The following MACF1 variants were observed in gnomAD, a reference collection of about 807,000 sequenced individuals.
MACF1 encodes the protein microtubule actin crosslinking factor 1, also known as microtubule-actin cross-linking factor 1.
MACF1 carries 193 observed loss-of-function variants against 854.8 expected under a neutral mutation model. That is an observed-to-expected ratio of 0.23 (90% confidence interval 0.20 to 0.25). MACF1 has a LOEUF of 0.25. Ranked by LOEUF, MACF1 falls within the 10% of genes least tolerant of loss-of-function variation. The pLI, the probability that MACF1 is intolerant of heterozygous loss-of-function variation, is 1.00. For synonymous variants in MACF1, 3,185 were observed against 3,226.7 expected (o/e 0.99, Z 0.44); for missense variants, 7,722 against 8,929.1 (o/e 0.86, Z 5.45).
In MACF1 at chr1:39,334,414, T is replaced by C; in HGVS notation, c.7826T>C (p.Val2609Ala). 1.2e-6 allele frequency: 2 copies of C among 1,614,040 alleles called. No homozygotes were observed. Among genetic ancestry groups the C allele is most frequent in the Non-Finnish European group, 1.7e-6 (2 of 1,179,956 alleles). Reference sequence around the variant, plus strand: ...GAAGGACTGTTAACTAATGAAGCAGTATTGTCTCCAGGAATGATGCATGGC... The same window carrying C: ...GAAGGACTGTTAACTAATGAAGCAGCATTGTCTCCAGGAATGATGCATGGC... ...KKEGLLTNEAVLSPGMMHGIV... is the reference protein window; with the variant it reads ...KKEGLLTNEAALSPGMMHGIV... The change falls in exon 37 of 101, where the codon GTA becomes GCA. Residue 2609 changes from valine (V) to alanine (A), a missense_variant. This residue lies in a region of MACF1 where 1,531 missense variants were observed against 1,601.6 expected (regional missense o/e 0.96). Transcript: ENST00000564288.
rs550932621 is a variant in MACF1, at chr1:39,429,975, C to T, written c.17037C>T (p.Thr5679=). The T allele has an allele frequency of 2.0e-5, 32 of 1,613,616 alleles. No individual in the cohort carries two copies. The highest frequency in any genetic ancestry group is 1.6e-4 in the Middle Eastern group (1 of 6,078). ...TKFQSTYEEL[T]GWLREVEEEL... is the part of the protein sequence containing the mutation. ...TCCAGTCTACTTATGAGGAACTGAC[C>T]GGGTGGCTGAGGGAGGTGGAGGAGG... The change falls in exon 65 of 101, where the codon ACC becomes ACT. Residue 5679 remains threonine, a synonymous_variant. Coordinates refer to ENST00000564288, the MANE Select transcript of MACF1 (RefSeq NM_001394062.1).
rs113147826 is a variant in MACF1 at position 39,424,766 on chromosome 1, G to A, written c.16316+572G>A. 5.8e-3 allele frequency among the ~76,000 whole-genome samples: 885 copies of A among 152,288 alleles called. 6 individuals carry two copies. Among genetic ancestry groups the A allele is most frequent in the African/African-American group, 0.018 (737 of 41,556 alleles). ...TCTTTTCATAGCTATAAGTTATCCTGTGACTTGAGCTTAATAAGTCACATA... is the reference window on the plus strand; with the variant it reads ...TCTTTTCATAGCTATAAGTTATCCTATGACTTGAGCTTAATAAGTCACATA... On this transcript the variant is annotated intron_variant, in intron 61 of 100. Coordinates refer to ENST00000564288, the MANE Select transcript of MACF1 (RefSeq NM_001394062.1).
chr1:39,161,846 G>A (rs1363216033), intron 2 of MACF1, among the ~76,000 whole-genome samples: 2 of 150,526 alleles, frequency 1.3e-5, no homozygotes, highest in African/African-American at 4.9e-5. Flanking sequence ...CAGCTTGGGC[G>A]ACAGAGCGAG....
chr1:39,238,915 C>T (rs1274929228), intron 2 of MACF1, among the ~76,000 whole-genome samples: 1 of 152,098 alleles, frequency 6.6e-6, no homozygotes, highest in Non-Finnish European at 1.5e-5. Flanking sequence ...GCGACTCAAG[C>T]ATCCTTTGCT....
Position 39,283,446 on chromosome 1 carries a change from C to T in MACF1, c.846C>T (p.Ile282=), listed in dbSNP as rs1029876463. Residue 282 remains isoleucine (I), a synonymous_variant, in exon 9 of 101, where the codon ATC becomes ATT. Coordinates refer to ENST00000564288, the MANE Select transcript of MACF1 (RefSeq NM_001394062.1). The surrounding 1 kb of genome is among the most constrained non-coding windows in gnomAD (Gnocchi z 4.5). ...DVPSPDEKSV[I]TYVSSIYDAF... ...CATCTCCAGATGAAAAGTCTGTAAT[C>T]ACTTATGTGTCTTCGATTTATGATG... The T allele has an allele frequency of 9.9e-6, 16 of 1,612,682 alleles. No homozygotes were observed. Among genetic ancestry groups the T allele is most frequent in the African/African-American group, 8.0e-5 (6 of 74,862 alleles).
intron 38 of MACF1, among the ~76,000 whole-genome samples, chr1:39,339,944 A>G (rs1393103990): frequency 6.6e-6 from 1 of 152,064 alleles, no homozygotes; most frequent in Non-Finnish European, 1.5e-5. Flanking sequence ...CCAAAGAACT[A>G]TGTCAAGTTC....
At chr1:39,414,086 T>C in intron 58 of MACF1, 1 of 1,606,580 alleles carries the variant, frequency 6.2e-7, no homozygotes, top group Non-Finnish European at 8.5e-7. Flanking sequence ...GCAGCTTCAG[T>C]GCCCACCCCC....
chr1:39,123,190 C>CAT lies in MACF1; in HGVS notation c.220+38762_220+38763dup, dbSNP rs1362969162. ...GCAGCATCTGATAGCTTGTTAGATA[C>CAT]ATATATATATAAATTTTTTTTTTTT... On this transcript the variant is annotated intron_variant, in intron 2 of 93. Coordinates refer to the MACF1 transcript ENST00000361689. 7.2e-5 allele frequency among the ~76,000 whole-genome samples: 10 copies of CAT among 138,398 alleles called. No individual in the cohort carries two copies. In the South Asian group the frequency reaches 9.5e-4, roughly 13 times the overall value. 90.8% of individuals were successfully genotyped at this position (138,398 alleles called of 152,430 possible). A position where few individuals can be genotyped will look rare whatever the true frequency, so the allele number is the denominator to read the frequency against.
intron 47 of MACF1, among the ~76,000 whole-genome samples, chr1:39,360,134 G>A (rs2148517596): frequency 6.8e-6 from 1 of 146,196 alleles, no homozygotes; most frequent in Admixed American, 6.9e-5. Context: ...AAATGGCTGT[G>A]AGAGTATATT....
intron 93 of MACF1, among the ~76,000 whole-genome samples, chr1:39,462,862 A>C (rs1347107187): frequency 6.6e-6 from 1 of 152,214 alleles, no homozygotes. Context: ...TCTGTTGATA[A>C]CAGATCTTGG....
intron 42 of MACF1, 105 bp from the exon 43 acceptor site, chr1:39,350,680 A>G (rs1647159181): frequency 1.4e-6 from 1 of 736,962 alleles, no homozygotes; most frequent in African/African-American, 1.7e-5. Flanking sequence ...GTTAGGGACT[A>G]TATACAGGAC....
At chr1:39,459,286 T>C in intron 91 of MACF1, 37 bp downstream of exon 91, 1 of 1,578,284 alleles carries the variant, frequency 6.3e-7, no homozygotes, top group African/African-American at 1.4e-5. Context: ...TGAAACAAAG[T>C]GCTTTTTTCA....
rs1235370005 is a variant in MACF1 at position 39,360,882 on chromosome 1, G to A, written c.12334G>A (p.Val4112Ile). Residue 4112 changes from valine to isoleucine, a missense_variant, in exon 48 of 101, where the codon GTC becomes ATC. Physicochemically the swap from Val to Ile is conservative, Grantham distance 29 (BLOSUM62 3). Around this residue, in one of 15 missense-constraint regions of MACF1, gnomAD observed 2,807 missense variants for 3,235.8 expected, o/e 0.87. Transcript: ENST00000564288. ...LQKAIAQSQS[V>I]QESLESLLQS... ...GAAAGCAATTGCCCAATCTCAGAGTGTCCAGGAAAGCCTGGAGAGCCTGTT... is the reference window on the plus strand; with the variant it reads ...GAAAGCAATTGCCCAATCTCAGAGTATCCAGGAAAGCCTGGAGAGCCTGTT... 1 of 1,613,918 alleles carries A rather than the reference G, an allele frequency of 6.2e-7. No homozygotes were observed.
intron 49 of MACF1, among the ~76,000 whole-genome samples, chr1:39,362,116 A>G (rs1648238222): frequency 6.6e-6 from 1 of 152,242 alleles, no homozygotes; most frequent in Non-Finnish European, 1.5e-5. Flanking sequence ...GTGCAAAGCT[A>G]GAAATATTTG....
At chr1:39,464,534 G>GT (rs1644621782) in intron 94 of MACF1, 1 of 153,634 alleles carries the variant, frequency 6.5e-6, no homozygotes, top group Non-Finnish European at 1.4e-5. Context: ...TTGTTTTCTT[G>GT]TTTTTTGTTT....
chr1:39,128,007 T>C (rs1052960388), intron 2 of MACF1, among the ~76,000 whole-genome samples: 2 of 152,196 alleles, frequency 1.3e-5, no homozygotes, highest in African/African-American at 4.8e-5. Flanking sequence ...TTCTAGTCTT[T>C]ATTTTCTCCA....
chr1:39,198,228 G>C (rs1644346254), intron 2 of MACF1, among the ~76,000 whole-genome samples: 1 of 152,128 alleles, frequency 6.6e-6, no homozygotes, highest in African/African-American at 2.4e-5. Flanking sequence ...GCACTAGCAG[G>C]CTGGGCGCGG....
chr1:39,452,382 A>T (rs1644357056), intron 86 of MACF1, 32 bp downstream of exon 86: 1 of 1,592,516 alleles, frequency 6.3e-7, no homozygotes, highest in Admixed American at 1.7e-5. Flanking sequence ...AACCCAAGGG[A>T]TAGATCTGAG....
rs1646791892 is a variant in MACF1 at position 39,335,296 on chromosome 1, G to A, written c.8708G>A (p.Gly2903Glu). ...AAAGAAGTGGCTAGAAATAACATGGGAAATGATACAAATGAAGAGCAGGAA... is the reference window on the plus strand; with the variant it reads ...AAAGAAGTGGCTAGAAATAACATGGAAAATGATACAAATGAAGAGCAGGAA... Reference protein sequence around the residue: ...KLKEVARNNMGNDTNEEQEKA... With the variant: ...KLKEVARNNMENDTNEEQEKA... Residue 2903 changes from glycine (G) to glutamate (E), a missense_variant, in exon 37 of 101, where the codon GGA becomes GAA. Coordinates refer to ENST00000564288, the MANE Select transcript of MACF1 (RefSeq NM_001394062.1). 6.2e-7 allele frequency: 1 copy of A among 1,614,040 alleles called. No homozygotes were observed. Among genetic ancestry groups the A allele is most frequent in the South Asian group, 1.1e-5 (1 of 91,066 alleles).
Sources: allele counts gnomAD v4.1 joint callset (sites outside exome capture counted in the v4.1 genomes callset), GRCh38; gene constraint gnomAD v4.1.1; regional missense constraint gnomAD v4.1.1; non-coding constraint Gnocchi (gnomAD v3.1); transcripts MANE v1.5; gene names NCBI Gene and HGNC (gene_info 2026-07-23, HGNC 2026-07-21).